The following DRC11 variants were observed in gnomAD, a reference collection of about 807,000 sequenced individuals.
DRC11 encodes the protein IQ and AAA domain-containing protein 1.
the DRC11 span, among the ~76,000 whole-genome samples, chr2:236,374,364 T>C: frequency 1.3e-5 from 2 of 152,190 alleles, no homozygotes; most frequent in Non-Finnish European, 2.9e-5. Context: ...AAGGTCAAAG[T>C]GTGCCAGATT....
At chr2:236,423,815 C>T in the DRC11 span, among the ~76,000 whole-genome samples, 19 of 151,996 alleles carry the variant, frequency 1.3e-4, no homozygotes, top group African/African-American at 2.9e-4. Context: ...TGTCCAACAA[C>T]GATAGACTGT....
At chr2:236,451,120 T>C in the DRC11 span, among the ~76,000 whole-genome samples, 1 of 152,172 alleles carries the variant, frequency 6.6e-6, no homozygotes, top group Admixed American at 6.5e-5. Flanking sequence ...ATTTAGCATA[T>C]CCTTGATTGT....
the DRC11 span, among the ~76,000 whole-genome samples, chr2:236,348,415 C>A: frequency 6.6e-6 from 1 of 152,132 alleles, no homozygotes. The surrounding 1 kb of genome is among the most constrained non-coding windows in gnomAD (Gnocchi z 7.4). Context: ...GGGATGGGTC[C>A]GGTCCGAACA....
At chr2:236,340,428 G>C in the DRC11 span, among the ~76,000 whole-genome samples, 5 of 152,196 alleles carry the variant, frequency 3.3e-5, no homozygotes, top group East Asian at 5.8e-4. Context: ...CTGGCCCTAA[G>C]AACTTTGTGA....
the DRC11 span, among the ~76,000 whole-genome samples, chr2:236,432,136 A>T: frequency 3.9e-5 from 6 of 152,100 alleles, no homozygotes; most frequent in Non-Finnish European, 8.8e-5. Flanking sequence ...GTGAAATAGC[A>T]TTACATTTCC....
the DRC11 span, among the ~76,000 whole-genome samples, chr2:236,392,717 AT>A: frequency 6.6e-6 from 1 of 152,150 alleles, no homozygotes; most frequent in African/African-American, 2.4e-5. The surrounding 1 kb of genome is among the most constrained non-coding windows in gnomAD (Gnocchi z 5.1). Context: ...GTAATGTTTT[AT>A]CTTACTTTTT....
the DRC11 span, among the ~76,000 whole-genome samples, chr2:236,340,593 G>A: frequency 3.9e-5 from 6 of 152,290 alleles, no homozygotes; most frequent in African/African-American, 1.4e-4. Flanking sequence ...AAAGAACAGT[G>A]GAAGTAGGAC....
the DRC11 span, among the ~76,000 whole-genome samples, chr2:236,313,447 T>C: frequency 2.0e-5 from 3 of 152,206 alleles, no homozygotes; most frequent in African/African-American, 7.2e-5. The surrounding 1 kb of genome is among the most constrained non-coding windows in gnomAD (Gnocchi z 4.5). Flanking sequence ...CATTCATACA[T>C]TGCAGTTGGG....
the DRC11 span, among the ~76,000 whole-genome samples, chr2:236,504,365 T>C: frequency 1.3e-5 from 2 of 152,234 alleles, no homozygotes; most frequent in African/African-American, 4.8e-5. This position sits in a 1 kb window ranked among gnomAD's most constrained non-coding sequence, Gnocchi z 5.0. Flanking sequence ...ACACTTGGGT[T>C]GTTTCCGCCT....
chr2:236,459,610 TATATAAGTATATAC>T, the DRC11 span, among the ~76,000 whole-genome samples: 8 of 114,376 alleles, frequency 7.0e-5, no homozygotes, highest in Admixed American at 4.7e-4. Flanking sequence ...CATATATACG[TATATAAGTATATAC>T]ATACGTATAT....
the DRC11 span, among the ~76,000 whole-genome samples, chr2:236,369,762 T>C: frequency 6.6e-6 from 1 of 152,232 alleles, no homozygotes; most frequent in South Asian, 2.1e-4. The surrounding 1 kb of genome is among the most constrained non-coding windows in gnomAD (Gnocchi z 4.5). Context: ...GTGTTTGCAG[T>C]GGCCCCACAC....
the DRC11 span, among the ~76,000 whole-genome samples, chr2:236,367,286 T>C: frequency 6.7e-6 from 1 of 148,234 alleles, no homozygotes; most frequent in Non-Finnish European, 1.5e-5. This position sits in a 1 kb window ranked among gnomAD's most constrained non-coding sequence, Gnocchi z 4.8. Flanking sequence ...TGTGCTATTA[T>C]ATATTATATA....
the DRC11 span, among the ~76,000 whole-genome samples, chr2:236,387,459 G>A: frequency 6.7e-6 from 1 of 150,080 alleles, no homozygotes; most frequent in South Asian, 2.1e-4. Context: ...TTTAAAGTCT[G>A]TTTTATCAGA....
the DRC11 span, among the ~76,000 whole-genome samples, chr2:236,407,559 A>T: frequency 6.6e-6 from 1 of 152,178 alleles, no homozygotes; most frequent in Admixed American, 6.5e-5. Context: ...ATATAAATAT[A>T]AAAGGGCACA....
chr2:236,507,403 C>G, the DRC11 span: 2 of 844,254 alleles, frequency 2.4e-6, no homozygotes, highest in Non-Finnish European at 4.0e-6. Context: ...GAGGGAGAAA[C>G]CAGGACTGCG....
At chr2:236,448,587 TG>T in the DRC11 span, among the ~76,000 whole-genome samples, 2,059 of 151,654 alleles carry the variant, frequency 0.014, 22 homozygotes, top group Non-Finnish European at 0.02. This position sits in a 1 kb window ranked among gnomAD's most constrained non-coding sequence, Gnocchi z 5.3. Flanking sequence ...CTGCCTGCCT[TG>T]GCCTCCCAAA....
At chr2:236,459,552 C>T in the DRC11 span, among the ~76,000 whole-genome samples, 2,960 of 113,426 alleles carry the variant, frequency 0.026, 65 homozygotes, top group Non-Finnish European at 0.031. Context: ...TATACGTATA[C>T]ATGTATACGT....
At chr2:236,321,913 A>G in the DRC11 span, among the ~76,000 whole-genome samples, 1 of 152,172 alleles carries the variant, frequency 6.6e-6, no homozygotes, top group East Asian at 1.9e-4. Flanking sequence ...CAGTAAAACA[A>G]TGGACCCTAA....
At chr2:236,482,246 C>T in the DRC11 span, among the ~76,000 whole-genome samples, 1 of 151,930 alleles carries the variant, frequency 6.6e-6, no homozygotes, top group Non-Finnish European at 1.5e-5. The surrounding 1 kb of genome is among the most constrained non-coding windows in gnomAD (Gnocchi z 4.5). Context: ...CTACATTATA[C>T]AGGGACATCA....
Sources: allele counts gnomAD v4.1 joint callset (sites outside exome capture counted in the v4.1 genomes callset), GRCh38; gene constraint gnomAD v4.1.1; non-coding constraint Gnocchi (gnomAD v3.1); transcripts MANE v1.5; gene names NCBI Gene and HGNC (gene_info 2026-07-23, HGNC 2026-07-21).